NXPH1: variants seen among roughly 807,000 people sequenced by gnomAD.
NXPH1 encodes neurexophilin-1.
NXPH1 carries 5 observed loss-of-function variants against 23.7 expected under a neutral mutation model. The observed-to-expected ratio is 0.21, with a 90% CI of 0.11 to 0.44. The LOEUF (loss-of-function observed/expected upper bound fraction) is 0.44. Among genes scored for constraint, NXPH1 ranks in the 20% least tolerant of loss-of-function variants. The pLI, the probability that NXPH1 is intolerant of heterozygous loss-of-function variation, is 0.99. For synonymous variants in NXPH1, 144 were observed against 122.2 expected (o/e 1.18, Z -1.18); for missense variants, 324 against 321.6 (o/e 1.01, Z -0.06).
At chr7:8,464,899 G>A (rs974268091) in intron 2 of NXPH1, among the ~76,000 whole-genome samples, 1 of 152,214 alleles carries the variant, frequency 6.6e-6, no homozygotes, top group African/African-American at 2.4e-5. Flanking sequence ...TGGAAGGCCT[G>A]AAAGTTAGCC....
At chr7:8,459,131 A>T (rs537116039) in intron 2 of NXPH1, among the ~76,000 whole-genome samples, 26 of 150,936 alleles carry the variant, frequency 1.7e-4, no homozygotes, top group South Asian at 1.5e-3. Context: ...CTTAATGAAC[A>T]TCTTGGGTTG....
chr7:8,692,481 A>G (rs1349827701), intron 2 of NXPH1, among the ~76,000 whole-genome samples: 1 of 152,206 alleles, frequency 6.6e-6, no homozygotes, highest in African/African-American at 2.4e-5. Flanking sequence ...GTTGGTGACT[A>G]GAATCAAAGG....
Position 8,751,218 on chromosome 7 carries a change from GAC to G in NXPH1, c.266_267del (p.Asp89ValfsTer22). On this transcript the variant is annotated frameshift_variant, in exon 3 of 3. Transcript: ENST00000405863. LOFTEE classifies it high-confidence loss of function. This position sits in a 1 kb window ranked among gnomAD's most constrained non-coding sequence, Gnocchi z 4.5. ...ACCTTATTCTGAGCAAGACCTCTGG[GAC>G]TGGCTGAGGAACTCCACAGACCTTC... is the stretch of plus-strand genomic sequence containing the variant. Reference protein sequence around the residue: ...PEPYSEQDLWDWLRNSTDLQE... With the variant: ...PEPYSEQDLWXWLRNSTDLQE... The G allele has an allele frequency of 6.2e-7, 1 of 1,613,858 alleles. No individual in the cohort carries two copies. Among genetic ancestry groups the G allele is most frequent in the East Asian group, 2.2e-5 (1 of 44,884 alleles).
At chr7:8,608,479 G>T (rs1562423972) in intron 2 of NXPH1, among the ~76,000 whole-genome samples, 1 of 152,130 alleles carries the variant, frequency 6.6e-6, no homozygotes, top group Non-Finnish European at 1.5e-5. Flanking sequence ...TGGGACTACA[G>T]TGATGTGTCG....
intron 2 of NXPH1, among the ~76,000 whole-genome samples, chr7:8,662,777 A>G (rs1299882682): frequency 6.6e-6 from 1 of 152,092 alleles, no homozygotes; most frequent in Non-Finnish European, 1.5e-5. Context: ...TCAATGTTGC[A>G]GTGATATCAA....
At chr7:8,677,428 A>T (rs1360902244) in intron 2 of NXPH1, among the ~76,000 whole-genome samples, 8 of 152,214 alleles carry the variant, frequency 5.3e-5, no homozygotes, top group African/African-American at 1.9e-4. Context: ...AGAAAATGCT[A>T]GTTTGTTAAT....
chr7:8,606,426 T>C (rs1295617997), intron 2 of NXPH1, among the ~76,000 whole-genome samples: 5 of 152,256 alleles, frequency 3.3e-5, no homozygotes, highest in South Asian at 4.1e-4. Flanking sequence ...AACAATGTGA[T>C]GTATTTTGCA....
intron 2 of NXPH1, among the ~76,000 whole-genome samples, chr7:8,598,619 C>A (rs940076415): frequency 1.3e-5 from 2 of 152,082 alleles, no homozygotes; most frequent in Admixed American, 6.6e-5. Flanking sequence ...GGAAAAGAAA[C>A]CTTTTTTATT....
chr7:8,476,093 G>A (rs141874740), intron 2 of NXPH1, among the ~76,000 whole-genome samples: 2 of 152,262 alleles, frequency 1.3e-5, no homozygotes, highest in East Asian at 3.9e-4. Flanking sequence ...TTCTTCTACA[G>A]TAGGTTTCTT....
chr7:8,441,280 T>A (rs1816294261), intron 2 of NXPH1, among the ~76,000 whole-genome samples: 1 of 152,090 alleles, frequency 6.6e-6, no homozygotes, highest in Admixed American at 6.6e-5. Context: ...AGCCACTATT[T>A]GCCTGGTCCC....
chr7:8,704,140 T>C (rs1213505161), intron 2 of NXPH1, among the ~76,000 whole-genome samples: 1 of 152,096 alleles, frequency 6.6e-6, no homozygotes, highest in Non-Finnish European at 1.5e-5. Flanking sequence ...TGTGATTTCA[T>C]GTTTTAGTTT....
chr7:8,500,954 T>C (rs1817420773), intron 2 of NXPH1, among the ~76,000 whole-genome samples: 1 of 152,010 alleles, frequency 6.6e-6, no homozygotes, highest in South Asian at 2.1e-4. Context: ...CTAAGAAGTG[T>C]CCAGTAAAAC....
chr7:8,708,373 GT>G (rs1358663569), intron 2 of NXPH1, among the ~76,000 whole-genome samples: 1 of 151,550 alleles, frequency 6.6e-6, no homozygotes, highest in Non-Finnish European at 1.5e-5. Context: ...AATTTTTTTG[GT>G]TTTGAGATGG....
intron 2 of NXPH1, among the ~76,000 whole-genome samples, chr7:8,643,935 T>A (rs1046169694): frequency 1.3e-5 from 2 of 152,180 alleles, no homozygotes; most frequent in Non-Finnish European, 2.9e-5. Flanking sequence ...ATTTTAGTAT[T>A]ACATTTTTGC....
chr7:8,734,225 T>C (rs1284209321), intron 2 of NXPH1, among the ~76,000 whole-genome samples: 1 of 152,206 alleles, frequency 6.6e-6, no homozygotes, highest in Non-Finnish European at 1.5e-5. Flanking sequence ...TATGTTCCAT[T>C]GGTTTATATA....
intron 2 of NXPH1, among the ~76,000 whole-genome samples, chr7:8,654,810 T>C (rs1820547045): frequency 6.6e-6 from 1 of 152,134 alleles, no homozygotes; most frequent in South Asian, 2.1e-4. Context: ...AGCTGGAGAT[T>C]TGGGAATTTA....
intron 2 of NXPH1, among the ~76,000 whole-genome samples, chr7:8,487,858 C>T (rs553847348): frequency 2.6e-5 from 4 of 152,250 alleles, no homozygotes; most frequent in Non-Finnish European, 5.9e-5. Flanking sequence ...ATTTCTCTTT[C>T]AACACCAGAT....
At chr7:8,662,420 G>A (rs1298044539) in intron 2 of NXPH1, among the ~76,000 whole-genome samples, 2 of 151,846 alleles carry the variant, frequency 1.3e-5, no homozygotes, top group Admixed American at 6.6e-5. Flanking sequence ...GATAAGTTTT[G>A]GCTTAAGTTA....
intron 2 of NXPH1, among the ~76,000 whole-genome samples, chr7:8,488,295 T>C (rs1189783761): frequency 6.6e-6 from 1 of 152,054 alleles, no homozygotes; most frequent in African/African-American, 2.4e-5. Flanking sequence ...TACATACACA[T>C]TTATGTATGA....
Sources: allele counts gnomAD v4.1 joint callset (sites outside exome capture counted in the v4.1 genomes callset), GRCh38; gene constraint gnomAD v4.1.1; non-coding constraint Gnocchi (gnomAD v3.1); transcripts MANE v1.5; gene names NCBI Gene and HGNC (gene_info 2026-07-23, HGNC 2026-07-21).